NUTM2A: variants seen among roughly 807,000 people sequenced by gnomAD.
NUTM2A encodes the protein NUT family member 2A, also known as family with sequence similarity 22, member A.
NUTM2A carries 3 observed loss-of-function variants against 24.4 expected under a neutral mutation model. That is an observed-to-expected ratio of 0.12 (90% CI 0.06 to 0.32). The LOEUF is 0.32. Ranked by LOEUF, NUTM2A falls within the 10% of genes least tolerant of loss-of-function variation. The pLI is 1.00. For synonymous variants in NUTM2A, 11 were observed against 278.4 expected, an observed-to-expected ratio of 0.04 and a Z score of 9.56; for missense variants, 39 against 631.1, an observed-to-expected ratio of 0.06 and a Z score of 10.05.
chr10:87,233,210 T>A (rs1432621869), intron 5 of NUTM2A, among the ~76,000 whole-genome samples: 1 of 93,512 alleles, frequency 1.1e-5, no homozygotes, highest in Admixed American at 1.1e-4. Flanking sequence ...GTGTGGAGTG[T>A]GTACGTTACC....
At chr10:87,233,141 CTG>C (rs1325519038) in intron 5 of NUTM2A, among the ~76,000 whole-genome samples, 156 bp downstream of exon 5, 2 of 112,660 alleles carry the variant, frequency 1.8e-5, no homozygotes, top group Non-Finnish European at 3.8e-5. Context: ...CTGTGTGTTG[CTG>C]TGTGTTTGTG....
At position 87,228,773 on chromosome 10, in the gene NUTM2A, CT is replaced by C. The variant is rs1404332188; in HGVS notation, c.894del (p.Pro300HisfsTer75). 1.6e-6 allele frequency: 2 copies of C among 1,249,428 alleles called. No homozygotes were observed. The highest frequency in any genetic ancestry group is 2.3e-6 in the Non-Finnish European group (2 of 888,246). 77.4% of individuals were successfully genotyped at this position (1,249,428 alleles called of 1,614,324 possible). A position where few individuals can be genotyped will look rare whatever the true frequency, so the allele number is the denominator to read the frequency against. On this transcript the variant is annotated frameshift_variant, in exon 2 of 7. Transcript: ENST00000381707. LOFTEE classifies it high-confidence loss of function. ...CCCCCCATTGTGTCCCAAGGGAATGCTGGGCCATGGCCACAAGGGGCTCACG... is the reference window on the plus strand; with the variant it reads ...CCCCCCATTGTGTCCCAAGGGAATGCGGGCCATGGCCACAAGGGGCTCACG... ...QLPPIVSQGNAGPWPQGAHGE... is the reference protein window; with the variant it reads ...QLPPIVSQGNXGPWPQGAHGE...
intron 2 of NUTM2A, 98 bp downstream of exon 2, chr10:87,229,060 G>A (rs1205471565): frequency 1.5e-6 from 2 of 1,326,046 alleles, no homozygotes; most frequent in Non-Finnish European, 2.2e-6. Context: ...AGCTTGCAGG[G>A]CGGTTGTGAG....
intron 5 of NUTM2A, 99 bp downstream of exon 5, chr10:87,233,084 T>G: frequency 9.8e-7 from 1 of 1,015,614 alleles, no homozygotes; most frequent in Non-Finnish European, 1.4e-6. Context: ...CAGCAGTGTG[T>G]GTATTTCCAT....
rs199682805 is a variant in NUTM2A at position 87,228,860 on chromosome 10, G to A, written c.980G>A (p.Arg327Lys). The A allele has an allele frequency of 0.021, 24,646 of 1,175,576 alleles. 10 individuals carry two copies. Among genetic ancestry groups the A allele is most frequent in the African/African-American group, 0.026 (1,603 of 62,734 alleles). The allele number at this position is 1,175,576 out of a possible 1,614,324, so 72.8% of individuals were successfully genotyped here. Residue 327 changes from arginine to lysine, a missense_variant, in exon 2 of 7, where the codon AGG (arginine) becomes AAG (lysine). Arg to Lys is a conservative substitution (Grantham distance 26). Transcript: ENST00000381707. ...CCGCCAGATGACTCCTGTAACCCCA[G>A]GAGTGTCTATGAGAACTTCCGACTC... The part of the protein sequence containing the change: ...KAPPDDSCNP[R>K]SVYENFRLWQ...
chr10:87,229,105 G>C, intron 2 of NUTM2A, 143 bp downstream of exon 2: 2 of 1,534,166 alleles, frequency 1.3e-6, no homozygotes, highest in African/African-American at 1.4e-5. Context: ...GTATATTTTT[G>C]ACCATATTAA....
Position 87,234,289 on chromosome 10 carries a change from TCTC to T in NUTM2A, c.2221_2223del (p.Pro741del). The T allele has an allele frequency of 8.6e-7, 1 of 1,164,898 alleles. No homozygotes were observed. Among genetic ancestry groups the T allele is most frequent in the Admixed American group, 2.3e-5 (1 of 44,354 alleles). 72.2% of individuals were successfully genotyped at this position (1,164,898 alleles called of 1,614,324 possible). A position where few individuals can be genotyped will look rare whatever the true frequency, so the allele number is the denominator to read the frequency against. ...GGATGCCTTGGATCTCCCTGGAGGGTCTCCTGTCAGGGAGTCACATGGGCTGGC... is the reference window on the plus strand; with the variant it reads ...GGATGCCTTGGATCTCCCTGGAGGGTCTGTCAGGGAGTCACATGGGCTGGC... On this transcript the variant is annotated inframe_deletion, in exon 7 of 7. Coordinates refer to ENST00000381707, the MANE Select transcript of NUTM2A (RefSeq NM_001099338.2).
At chr10:87,229,405 C>T (rs760141742) in intron 2 of NUTM2A, among the ~76,000 whole-genome samples, 10 of 152,236 alleles carry the variant, frequency 6.6e-5, no homozygotes, top group Non-Finnish European at 1.0e-4. Flanking sequence ...CCCGCAGTTC[C>T]GCTGAGGTCC....
intron 2 of NUTM2A, among the ~76,000 whole-genome samples, chr10:87,229,393 T>C (rs1387706240): frequency 1.3e-5 from 2 of 152,234 alleles, no homozygotes; most frequent in Non-Finnish European, 2.9e-5. Flanking sequence ...ACCTGACACA[T>C]GCCCGCAGTT....
chr10:87,229,278 T>A (rs907405882), intron 2 of NUTM2A, among the ~76,000 whole-genome samples: 4 of 152,198 alleles, frequency 2.6e-5, no homozygotes, highest in Non-Finnish European at 1.5e-5. Flanking sequence ...CGGTTTGGGT[T>A]TAGGTCTTTG....
chr10:87,234,738 T>A lies in NUTM2A; in HGVS notation c.*30T>A, dbSNP rs2134875340. On this transcript the variant is annotated 3_prime_UTR_variant, in exon 7 of 7. Transcript: ENST00000381707. ...TTCTGAGCAGGCTCTCTGGGGCCGA[T>A]CCCCAAGGATGGGGCTCTGGCATCC... is the stretch of plus-strand genomic sequence containing the variant. 1 of 1,365,266 alleles carries A rather than the reference T, an allele frequency of 7.3e-7. No homozygotes were observed. Among genetic ancestry groups the A allele is most frequent in the Non-Finnish European group, 9.5e-7 (1 of 1,048,196 alleles). The allele number at this position is 1,365,266 out of a possible 1,614,324, so 84.6% of individuals were successfully genotyped here. A position where few individuals can be genotyped will look rare whatever the true frequency, so the allele number is the denominator to read the frequency against.
At chr10:87,233,076 G>T in intron 5 of NUTM2A, 91 bp downstream of exon 5, 2 of 1,057,206 alleles carry the variant, frequency 1.9e-6, no homozygotes, top group Non-Finnish European at 2.7e-6. Flanking sequence ...TAGCTACTCA[G>T]CAGTGTGTGT....
chr10:87,228,261 A>G lies in NUTM2A; in HGVS notation c.383-2A>G. ...ATTCACCTCTTTCCTTTGTCTCCAC[A>G]GCATACCCAGCGCTGGGACCGGGCG... On this transcript the variant is annotated splice_acceptor_variant, in intron 1 of 6. Transcript: ENST00000381707. LOFTEE classifies it high-confidence loss of function. 1 of 1,592,866 alleles carries G rather than the reference A, an allele frequency of 6.3e-7. No individual in the cohort carries two copies. The highest frequency in any genetic ancestry group is 8.6e-7 in the Non-Finnish European group (1 of 1,168,644).
At chr10:87,229,470 T>C (rs1849358600) in intron 2 of NUTM2A, among the ~76,000 whole-genome samples, 2 of 152,232 alleles carry the variant, frequency 1.3e-5, no homozygotes, top group South Asian at 4.1e-4. Flanking sequence ...GGCCCTGCAC[T>C]GGGGCCGATG....
chr10:87,232,497 AC>A, intron 4 of NUTM2A, 105 bp from the exon 5 acceptor site: 1 of 681,754 alleles, frequency 1.5e-6, no homozygotes, highest in South Asian at 1.9e-5. Flanking sequence ...GGTGGTCCTG[AC>A]CCAGCTGGGA....
At position 87,228,468 on chromosome 10, in the gene NUTM2A, T is replaced by A. The variant is rs1352011793; in HGVS notation, c.588T>A (p.Ser196Arg). ...LVTEQDGCGP[S>R]GAGASNVFVQ... ...CAGAACAGGATGGCTGCGGCCCGAG[T>A]GGGGCCGGGGCTTCCAACGTCTTTG... Residue 196 changes from serine (S) to arginine (R), a missense_variant, in exon 2 of 7, where the codon AGT becomes AGA. Transcript: ENST00000381707. 1 of 1,611,490 alleles carries A rather than the reference T, an allele frequency of 6.2e-7. No homozygotes were observed. Among genetic ancestry groups the A allele is most frequent in the African/African-American group, 1.3e-5 (1 of 74,864 alleles).
In NUTM2A at chr10:87,228,676, AC is replaced by A. The variant is rs1450899437; in HGVS notation, c.799del (p.Gln267ArgfsTer108). The stretch of plus-strand genomic sequence containing the variant: ...TATGGCTGCCCAGGTGGTTGGGGGC[AC>A]CCAGGCCTGTGAGGGAGGCTGGTCC... ...PVMAAQVVGG[T>X]QACEGGWSQG... On this transcript the variant is annotated frameshift_variant, in exon 2 of 7. Transcript: ENST00000381707. LOFTEE classifies it high-confidence loss of function. 3 of 1,249,570 alleles carry A rather than the reference AC, an allele frequency of 2.4e-6. No individual in the cohort carries two copies. Among genetic ancestry groups the A allele is most frequent in the Admixed American group, 4.7e-5 (2 of 42,226 alleles). 77.4% of individuals were successfully genotyped at this position (1,249,570 alleles called of 1,614,324 possible).
intron 2 of NUTM2A, 97 bp downstream of exon 2, chr10:87,229,059 G>C: frequency 7.6e-7 from 1 of 1,315,338 alleles, no homozygotes. Flanking sequence ...GAGCTTGCAG[G>C]GCGGTTGTGA....
chr10:87,229,330 G>T (rs1326492623), intron 2 of NUTM2A, among the ~76,000 whole-genome samples: 2 of 152,220 alleles, frequency 1.3e-5, no homozygotes, highest in African/African-American at 4.8e-5. Flanking sequence ...AGTATTGATG[G>T]CCAGGAGCAC....
Sources: gnomAD v4.1 joint callset for allele counts (sites outside exome capture counted in the v4.1 genomes callset) on GRCh38, gnomAD v4.1.1 for gene constraint, MANE v1.5 for transcripts, NCBI Gene and HGNC (gene_info 2026-07-23, HGNC 2026-07-21) for gene names.